The following CAST variants were observed in gnomAD, a reference collection of about 807,000 sequenced individuals.
CAST encodes the protein calpastatin, also known as MIR583 host.
In CAST, 76 loss-of-function variants were observed where a neutral mutation model predicts 119.6. The observed-to-expected ratio is 0.64, with a 90% CI of 0.53 to 0.77. CAST has a LOEUF of 0.77. CAST is among the 30% of genes least tolerant of loss of function. CAST has a pLI of 0.00. For synonymous variants in CAST, 319 were observed against 331.6 expected, an observed-to-expected ratio of 0.96 and a Z score of 0.41; for missense variants, 953 against 946.5, an observed-to-expected ratio of 1.01 and a Z score of -0.09.
intron 2 of CAST, among the ~76,000 whole-genome samples, chr5:96,682,110 A>G (rs1000680422): frequency 2.0e-5 from 3 of 152,290 alleles, no homozygotes; most frequent in African/African-American, 7.2e-5. Context: ...AGGAAAAACC[A>G]TAGTGAATAC....
chr5:96,379,854 G>A, the CAST span, among the ~76,000 whole-genome samples: 8,523 of 152,080 alleles, frequency 0.056, 737 homozygotes, highest in African/African-American at 0.19. Flanking sequence ...AAAAGCATTC[G>A]AATCTGGGTT....
At chr5:96,475,618 A>G in the CAST span, among the ~76,000 whole-genome samples, 4 of 152,198 alleles carry the variant, frequency 2.6e-5, no homozygotes, top group East Asian at 1.9e-4. Flanking sequence ...TTGCAGCAGT[A>G]TGGGGTTACC....
the CAST span, among the ~76,000 whole-genome samples, chr5:96,333,235 A>G: frequency 5.9e-5 from 9 of 151,714 alleles, no homozygotes; most frequent in African/African-American, 2.2e-4. Context: ...TGTGTGCCCG[A>G]GTTAGAGTGA....
chr5:96,653,558 G>A (rs76482623), intron 1 of CAST, among the ~76,000 whole-genome samples: 7 of 152,030 alleles, frequency 4.6e-5, no homozygotes, highest in South Asian at 2.1e-4. Context: ...ATAAAACCTC[G>A]TAACATTGCT....
chr5:96,276,785 G>A, the CAST span, among the ~76,000 whole-genome samples: 1 of 152,118 alleles, frequency 6.6e-6, no homozygotes, highest in Non-Finnish European at 1.5e-5. Flanking sequence ...TTTCCCATCT[G>A]TTTCCCATCC....
chr5:95,985,570 A>C, the CAST span, among the ~76,000 whole-genome samples: 10 of 152,192 alleles, frequency 6.6e-5, no homozygotes, highest in African/African-American at 2.2e-4. Flanking sequence ...CACGTTCCCT[A>C]AGTTACATAG....
chr5:96,240,813 A>G, the CAST span, among the ~76,000 whole-genome samples: 1 of 148,888 alleles, frequency 6.7e-6, no homozygotes, highest in Non-Finnish European at 1.5e-5. Flanking sequence ...ACATACTTTC[A>G]AAAGGACATT....
At chr5:96,032,841 G>T in the CAST span, among the ~76,000 whole-genome samples, 2 of 152,058 alleles carry the variant, frequency 1.3e-5, no homozygotes, top group Admixed American at 1.3e-4. Context: ...TTAGGCAAGA[G>T]AAAGAAATAA....
chr5:96,247,616 A>G, the CAST span, among the ~76,000 whole-genome samples: 1 of 152,226 alleles, frequency 6.6e-6, no homozygotes, highest in South Asian at 2.1e-4. Flanking sequence ...CTCTAAGGAT[A>G]TCAGCAATAC....
chr5:96,695,812 A>G, intron 2 of CAST, 24 bp from the exon 3 acceptor site: 1 of 1,555,980 alleles, frequency 6.4e-7, no homozygotes, highest in South Asian at 1.1e-5. Flanking sequence ...TCCCCCATTG[A>G]AACTAATATT....
At chr5:96,369,483 A>G in the CAST span, among the ~76,000 whole-genome samples, 2 of 152,194 alleles carry the variant, frequency 1.3e-5, no homozygotes, top group East Asian at 3.8e-4. Flanking sequence ...ATGGAGGACC[A>G]AAAAGCTTTC....
intron 16 of CAST, among the ~76,000 whole-genome samples, chr5:96,744,315 A>C (rs1369709524): frequency 6.6e-6 from 1 of 152,238 alleles, no homozygotes; most frequent in Admixed American, 6.5e-5. Flanking sequence ...ACAGTTCCTC[A>C]TGGCTAGGGA....
the CAST span, among the ~76,000 whole-genome samples, chr5:96,312,104 G>A: frequency 4.6e-5 from 7 of 151,512 alleles, no homozygotes; most frequent in African/African-American, 1.2e-4. Flanking sequence ...TTGCTTTCTG[G>A]TTACCATGAG....
chr5:96,710,880 A>C (rs528102524), intron 3 of CAST, among the ~76,000 whole-genome samples: 11 of 151,854 alleles, frequency 7.2e-5, no homozygotes, highest in African/African-American at 2.2e-4. Flanking sequence ...AAAAAAAAAA[A>C]GTCTGTCCTC....
the CAST span, among the ~76,000 whole-genome samples, chr5:96,040,294 A>G: frequency 1.3e-5 from 2 of 152,080 alleles, no homozygotes; most frequent in African/African-American, 2.4e-5. Flanking sequence ...GGGTTTTCTA[A>G]ATATACAATC....
chr5:96,750,493 A>C, intron 19 of CAST, 94 bp from the exon 20 acceptor site: 1 of 725,208 alleles, frequency 1.4e-6, no homozygotes, highest in Non-Finnish European at 2.5e-6. Context: ...TTCACACCAT[A>C]TAATGTAGCG....
the CAST span, among the ~76,000 whole-genome samples, chr5:96,204,343 A>G: frequency 7.2e-5 from 11 of 152,036 alleles, no homozygotes; most frequent in Admixed American, 4.6e-4. Flanking sequence ...CCACACAGCT[A>G]TCTCTGTTGT....
the CAST span, among the ~76,000 whole-genome samples, chr5:96,247,369 T>TTTAC: frequency 2.6e-5 from 4 of 152,260 alleles, no homozygotes; most frequent in South Asian, 8.3e-4. Context: ...GAAGGCTTTG[T>TTTAC]TTACTTGCTT....
chr5:96,642,519 T>C (rs1747963406), intron 1 of CAST, among the ~76,000 whole-genome samples: 1 of 150,862 alleles, frequency 6.6e-6, no homozygotes. Context: ...TTGATAATGA[T>C]AGTAAATAAA....
Sources: gnomAD v4.1 joint callset for allele counts (sites outside exome capture counted in the v4.1 genomes callset) on GRCh38, gnomAD v4.1.1 for gene constraint, MANE v1.5 for transcripts, NCBI Gene and HGNC (gene_info 2026-07-23, HGNC 2026-07-21) for gene names.